RFTN1: variants seen among roughly 807,000 people sequenced by gnomAD.
RFTN1 encodes the protein raftlin.
RFTN1 carries 26 observed loss-of-function variants against 46.5 expected under a neutral mutation model. The ratio of observed to expected loss-of-function variants is 0.56; its 90% CI spans 0.41 to 0.78. The LOEUF (loss-of-function observed/expected upper bound fraction) is 0.78. Ranked by LOEUF, RFTN1 falls within the 30% of genes least tolerant of loss-of-function variation. The pLI, the probability that RFTN1 is intolerant of heterozygous loss-of-function variation, is 0.00. For synonymous variants in RFTN1, 261 were observed against 284.2 expected, an observed-to-expected ratio of 0.92 and a Z score of 0.82; for missense variants, 693 against 718.7, an observed-to-expected ratio of 0.96 and a Z score of 0.41.
rs2076203002 is a variant in RFTN1, at chr3:16,471,924, T to C, written c.145+21801A>G. ...AGTGTTTTTCTATTTCCAATCACTTTCACCAGCGCCCACACCAAGCCTCAG... is the reference window on the plus strand; with the variant it reads ...AGTGTTTTTCTATTTCCAATCACTTCCACCAGCGCCCACACCAAGCCTCAG... On this transcript the variant is annotated intron_variant, in intron 2 of 9. Transcript: ENST00000334133. The C allele has an allele frequency of 2.0e-5, 3 of 152,298 alleles. No individual in the cohort carries two copies. The East Asian group carries it at 5.8e-4, about 29-fold the overall frequency. 9.4% of individuals were successfully genotyped at this position (152,298 alleles called of 1,614,324 possible).
chr3:16,369,838 C>T (rs1201686979), intron 6 of RFTN1, among the ~76,000 whole-genome samples: 1 of 152,180 alleles, frequency 6.6e-6, no homozygotes, highest in Admixed American at 6.5e-5. Context: ...AATAGAATCA[C>T]TCCACTTTCT....
rs1559310863 is a variant in RFTN1, at chr3:16,382,643, GC to G, written c.442-4542del. ...CAGACCTACACAGAAGACGATCACAGCTGACGGGTCCACTGTTGATCTGGTC... is the reference window on the plus strand; with the variant it reads ...CAGACCTACACAGAAGACGATCACAGTGACGGGTCCACTGTTGATCTGGTC... On this transcript the variant is annotated intron_variant, in intron 4 of 9. Transcript: ENST00000334133. The surrounding 1 kb of genome is among the most constrained non-coding windows in gnomAD (Gnocchi z 4.7). Among the ~76,000 whole-genome samples the G allele has an allele frequency of 6.6e-6, 1 of 152,142 alleles. No homozygotes were observed. The highest frequency in any genetic ancestry group is 2.4e-5 in the African/African-American group (1 of 41,426).
rs1038287045 is a variant in RFTN1, at chr3:16,346,750, C to T, written c.1146+11182G>A. The stretch of plus-strand genomic sequence containing the variant: ...GACGTGTGGCAGGAAAAAACTGCCC[C>T]GTTCTTCACGGTTGTCATCACATTT... On this transcript the variant is annotated intron_variant, in intron 7 of 9. Coordinates refer to ENST00000334133, the MANE Select transcript of RFTN1 (RefSeq NM_015150.2). The surrounding 1 kb of genome is among the most constrained non-coding windows in gnomAD (Gnocchi z 4.4). Among the ~76,000 whole-genome samples the T allele has an allele frequency of 2.6e-5, 4 of 152,214 alleles. No homozygotes were observed. Among genetic ancestry groups the T allele is most frequent in the African/African-American group, 7.2e-5 (3 of 41,436 alleles).
chr3:16,508,219 C>G (rs899145155), intron 1 of RFTN1, among the ~76,000 whole-genome samples: 3 of 152,114 alleles, frequency 2.0e-5, no homozygotes, highest in Admixed American at 6.5e-5. Flanking sequence ...CAGTACCAGC[C>G]CTCCACTGTC....
intron 2 of RFTN1, among the ~76,000 whole-genome samples, chr3:16,486,087 C>G (rs559244540): frequency 2.0e-5 from 3 of 151,924 alleles, no homozygotes; most frequent in African/African-American, 7.3e-5. Context: ...CCAGCACACC[C>G]ACCTCCTCCT....
intron 2 of RFTN1, among the ~76,000 whole-genome samples, chr3:16,469,605 G>A (rs2076159156): frequency 6.6e-6 from 1 of 152,232 alleles, no homozygotes; most frequent in East Asian, 1.9e-4. Context: ...TGGGGAGCAT[G>A]GTAGGGCGTG....
Position 16,385,176 on chromosome 3 carries a change from A to G in RFTN1, c.442-7074T>C, listed in dbSNP as rs1048138312. 6.6e-6 allele frequency among the ~76,000 whole-genome samples: 1 copy of G among 152,216 alleles called. No homozygotes were observed. The highest frequency in any genetic ancestry group is 2.4e-5 in the African/African-American group (1 of 41,454). ...AAAAATGCCATTCTGGGTTGCAGTT[A>G]CACATGAGTCTTTACAGTGAATATT... On this transcript the variant is annotated intron_variant, in intron 4 of 9. Coordinates refer to ENST00000334133, the MANE Select transcript of RFTN1 (RefSeq NM_015150.2). This position sits in a 1 kb window ranked among gnomAD's most constrained non-coding sequence, Gnocchi z 5.0.
At chr3:16,510,735 A>G (rs895194452) in intron 1 of RFTN1, among the ~76,000 whole-genome samples, 1 of 152,226 alleles carries the variant, frequency 6.6e-6, no homozygotes, top group East Asian at 1.9e-4. Flanking sequence ...TCAGGTTTCC[A>G]TATATCTCCT....
At chr3:16,397,708 T>C (rs1272604908) in intron 4 of RFTN1, among the ~76,000 whole-genome samples, 4 of 152,154 alleles carry the variant, frequency 2.6e-5, no homozygotes, top group African/African-American at 9.7e-5. Flanking sequence ...GGTCAATAGA[T>C]TCATCATTGA....
At chr3:16,416,194 T>C (rs375176025) in intron 3 of RFTN1, 1 of 456,320 alleles carries the variant, frequency 2.2e-6, no homozygotes, top group East Asian at 6.9e-5. Context: ...AGGGTACTAC[T>C]GGCAGAGATG....
At chr3:16,350,720 T>A (rs982850471) in intron 7 of RFTN1, among the ~76,000 whole-genome samples, 1 of 152,164 alleles carries the variant, frequency 6.6e-6, no homozygotes, top group Non-Finnish European at 1.5e-5. Context: ...GGTTTGGGTG[T>A]TGATTCCTGG....
chr3:16,456,673 A>G (rs1343575114), intron 2 of RFTN1, among the ~76,000 whole-genome samples: 2 of 151,752 alleles, frequency 1.3e-5, no homozygotes, highest in Non-Finnish European at 2.9e-5. Context: ...ACGTTAGAAC[A>G]TTTAAAACTA....
At position 16,349,381 on chromosome 3, in the gene RFTN1, G is replaced by C. The variant is rs577109688; in HGVS notation, c.1146+8551C>G. 2.3e-3 allele frequency: 348 copies of C among 152,328 alleles called. 2 individuals are homozygous for C. The highest frequency in any genetic ancestry group is 3.4e-3 in the Middle Eastern group (1 of 294). The allele number at this position is 152,328 out of a possible 1,614,324, so 9.4% of individuals were successfully genotyped here. On this transcript the variant is annotated intron_variant, in intron 7 of 9. Transcript: ENST00000334133. ...GAGTGTGAATTTATAAGGACAGAAG[G>C]GGGTACCTGAGCCTCCAGGGATGGT...
rs1465649237 is a variant in RFTN1 at position 16,442,906 on chromosome 3, G to A, written c.146-8869C>T. ...ATTCAGCCATGCTGTTGTAAATGGA[G>A]GATCATCTTCTTTTTTAAGGCTGAA... On this transcript the variant is annotated intron_variant, in intron 2 of 9. Coordinates refer to ENST00000334133, the MANE Select transcript of RFTN1 (RefSeq NM_015150.2). The surrounding 1 kb of genome is among the most constrained non-coding windows in gnomAD (Gnocchi z 4.1). Among the ~76,000 whole-genome samples the A allele has an allele frequency of 1.3e-5, 2 of 152,154 alleles. No homozygotes were observed. The highest frequency in any genetic ancestry group is 4.8e-5 in the African/African-American group (2 of 41,430).
In RFTN1 at chr3:16,459,247, A is replaced by T. The variant is rs1354374021; in HGVS notation, c.146-25210T>A. ...TGCCTGGCCACTACTGTGTTTTCTG[A>T]AGGAAATTAGTTTTAACAGAACCAG... On this transcript the variant is annotated intron_variant, in intron 2 of 9. Transcript: ENST00000334133. The surrounding 1 kb of genome is among the most constrained non-coding windows in gnomAD (Gnocchi z 4.2). 6.6e-6 allele frequency among the ~76,000 whole-genome samples: 1 copy of T among 152,150 alleles called. No individual in the cohort carries two copies. Among genetic ancestry groups the T allele is most frequent in the Non-Finnish European group, 1.5e-5 (1 of 68,026 alleles).
intron 1 of RFTN1, among the ~76,000 whole-genome samples, chr3:16,511,855 A>G (rs2076907352): frequency 6.6e-6 from 1 of 152,094 alleles, no homozygotes; most frequent in African/African-American, 2.4e-5. Flanking sequence ...CTACTAGCTA[A>G]CTGCACAACA....
At chr3:16,501,590 G>T (rs1230268502) in intron 1 of RFTN1, among the ~76,000 whole-genome samples, 1 of 152,104 alleles carries the variant, frequency 6.6e-6, no homozygotes, top group Non-Finnish European at 1.5e-5. Flanking sequence ...CCAGAGATGG[G>T]GCAATTATAT....
intron 4 of RFTN1, among the ~76,000 whole-genome samples, chr3:16,389,907 G>C (rs780718466): frequency 6.6e-6 from 1 of 152,164 alleles, no homozygotes; most frequent in Admixed American, 6.5e-5. Context: ...AGAATTCCAT[G>C]AACTTCTACC....
rs116965256 is a variant in RFTN1 at position 16,317,186 on chromosome 3, C to T, written c.1379G>A (p.Arg460Lys). 3 of 1,613,032 alleles carry T rather than the reference C, an allele frequency of 1.9e-6. No homozygotes were observed. Among genetic ancestry groups the T allele is most frequent in the Non-Finnish European group, 2.5e-6 (3 of 1,179,948 alleles). Residue 460 changes from arginine to lysine, a missense_variant, in exon 10 of 10, where the codon AGG (arginine) becomes AAG (lysine). Transcript: ENST00000334133. This position sits in a 1 kb window ranked among gnomAD's most constrained non-coding sequence, Gnocchi z 4.3. ...GGCACTGAGTTTACCTTTTGATTTC[C>T]TCATCTGCCTGTTGTGCATTTCTTC... ...SREEMHNRQM[R>K]KSKGKLSARD...
Sources: gnomAD v4.1 joint callset for allele counts (sites outside exome capture counted in the v4.1 genomes callset) on GRCh38, gnomAD v4.1.1 for gene constraint, Gnocchi (gnomAD v3.1) non-coding constraint, MANE v1.5 for transcripts, NCBI Gene and HGNC (gene_info 2026-07-23, HGNC 2026-07-21) for gene names.